The following PARD3B variants were observed in gnomAD, a reference collection of about 807,000 sequenced individuals.
PARD3B encodes the protein partitioning defective 3 homolog B.
In PARD3B, 103 loss-of-function variants were observed where a neutral mutation model predicts 130.2. That is an observed-to-expected ratio of 0.79 (90% CI 0.67 to 0.93). The LOEUF is 0.93. PARD3B is among the 40% of genes least tolerant of loss of function. PARD3B has a pLI of 0.00. For synonymous variants in PARD3B, 583 were observed against 553.2 expected (o/e 1.05, Z -0.76); for missense variants, 1,609 against 1,499.2 (o/e 1.07, Z -1.21).
chr2:204,810,001 T>C (rs561729200), intron 2 of PARD3B, among the ~76,000 whole-genome samples: 1 of 152,284 alleles, frequency 6.6e-6, no homozygotes, highest in South Asian at 2.1e-4. Flanking sequence ...TTGGTGGCAA[T>C]TGTGAATGCA....
intron 18 of PARD3B, among the ~76,000 whole-genome samples, chr2:205,380,272 TATATAA>T (rs2045283861): frequency 1.4e-4 from 2 of 13,940 alleles, no homozygotes; most frequent in African/African-American, 2.2e-4. Flanking sequence ...GAATATATAT[TATATAA>T]TATATAAAGA....
At chr2:205,245,701 T>C (rs1307858513) in intron 15 of PARD3B, 77 bp from the exon 16 acceptor site, 5 of 1,128,240 alleles carry the variant, frequency 4.4e-6, no homozygotes, top group African/African-American at 1.5e-5. Context: ...ATTATGAATC[T>C]GCATTAATTT....
chr2:204,911,822 C>G (rs1179269665), intron 2 of PARD3B, among the ~76,000 whole-genome samples: 4 of 152,016 alleles, frequency 2.6e-5, no homozygotes, highest in Non-Finnish European at 5.9e-5. Flanking sequence ...GTTATTATTT[C>G]CCAGTGTATG....
chr2:205,040,736 G>A (rs1024217738), intron 3 of PARD3B, among the ~76,000 whole-genome samples: 2 of 151,970 alleles, frequency 1.3e-5, no homozygotes, highest in Non-Finnish European at 2.9e-5. Context: ...CAACTTACAT[G>A]TATTTTAATT....
intron 3 of PARD3B, among the ~76,000 whole-genome samples, chr2:205,007,907 C>T (rs1017540337): frequency 1.3e-5 from 2 of 151,780 alleles, no homozygotes; most frequent in South Asian, 4.2e-4. Context: ...TATCTTTTAC[C>T]TCCTTGGTTA....
At chr2:204,737,148 T>C (rs1233129793) in intron 2 of PARD3B, among the ~76,000 whole-genome samples, 1 of 152,148 alleles carries the variant, frequency 6.6e-6, no homozygotes, top group Non-Finnish European at 1.5e-5. Context: ...ATTTTTGTAT[T>C]TTTAGTAGTG....
intron 16 of PARD3B, among the ~76,000 whole-genome samples, chr2:205,254,659 AT>A: frequency 6.7e-6 from 1 of 148,216 alleles, no homozygotes; most frequent in Non-Finnish European, 1.5e-5. Context: ...TCAGTATTTT[AT>A]TTTATTTTAT....
Position 204,833,372 on chromosome 2 carries a change from A to G in PARD3B, c.223-131780A>G, listed in dbSNP as rs540615169. Reference sequence around the variant, plus strand: ...TGACTGTTAACACAGCAGAGCCAGAACTCCCTGTAAAGACTCTGCTTCCCA... The same window carrying G: ...TGACTGTTAACACAGCAGAGCCAGAGCTCCCTGTAAAGACTCTGCTTCCCA... On this transcript the variant is annotated intron_variant, in intron 2 of 22. Coordinates refer to ENST00000406610, the MANE Select transcript of PARD3B (RefSeq NM_001302769.2). 5.3e-5 allele frequency among the ~76,000 whole-genome samples: 8 copies of G among 152,032 alleles called. No individual in the cohort carries two copies. In the South Asian group the frequency reaches 1.7e-3, roughly 32 times the overall value.
At chr2:205,256,781 G>A (rs2040104697) in intron 16 of PARD3B, among the ~76,000 whole-genome samples, 1 of 152,066 alleles carries the variant, frequency 6.6e-6, no homozygotes, top group African/African-American at 2.4e-5. Flanking sequence ...CTAGTTTCTG[G>A]GAAGGAGATG....
At chr2:205,527,388 G>A (rs1050650066) in intron 21 of PARD3B, among the ~76,000 whole-genome samples, 6 of 152,038 alleles carry the variant, frequency 3.9e-5, no homozygotes, top group African/African-American at 7.2e-5. Context: ...TCTGTGGTAC[G>A]TGACCAACAT....
intron 1 of PARD3B, among the ~76,000 whole-genome samples, chr2:204,587,016 A>G (rs1206450460): frequency 2.0e-5 from 3 of 152,204 alleles, no homozygotes; most frequent in Non-Finnish European, 4.4e-5. Context: ...GCACAAAACC[A>G]GATCCTTCAG....
chr2:205,005,184 T>C (rs931591095), intron 3 of PARD3B, among the ~76,000 whole-genome samples: 2 of 151,804 alleles, frequency 1.3e-5, no homozygotes, highest in African/African-American at 2.4e-5. Flanking sequence ...CACACACATA[T>C]ACACACAGAG....
At chr2:204,864,215 C>T (rs1400819240) in intron 2 of PARD3B, among the ~76,000 whole-genome samples, 1 of 152,108 alleles carries the variant, frequency 6.6e-6, no homozygotes, top group Non-Finnish European at 1.5e-5. Flanking sequence ...CTGCCCCGTG[C>T]CAGATTTGCA....
At chr2:204,764,008 G>C (rs72932197) in intron 2 of PARD3B, among the ~76,000 whole-genome samples, 5,418 of 152,146 alleles carry the variant, frequency 0.036, 130 homozygotes, top group South Asian at 0.061. Context: ...GTCTCTCATT[G>C]CCTGAGGTAT....
At chr2:204,590,725 G>A (rs1245659762) in intron 1 of PARD3B, among the ~76,000 whole-genome samples, 1 of 152,200 alleles carries the variant, frequency 6.6e-6, no homozygotes, top group Non-Finnish European at 1.5e-5. Context: ...AGAAGGACTA[G>A]GACTCAGGCT....
chr2:205,199,786 T>C (rs564058687), intron 15 of PARD3B, among the ~76,000 whole-genome samples: 19 of 152,178 alleles, frequency 1.2e-4, no homozygotes, highest in African/African-American at 4.1e-4. Flanking sequence ...AACTAGACAA[T>C]TTACATCCCT....
At chr2:205,524,074 C>T (rs1037155680) in intron 21 of PARD3B, among the ~76,000 whole-genome samples, 3 of 152,006 alleles carry the variant, frequency 2.0e-5, no homozygotes, top group African/African-American at 4.8e-5. Context: ...TGAGGCTTAT[C>T]TAACTTTTCT....
intron 14 of PARD3B, among the ~76,000 whole-genome samples, chr2:205,186,553 C>T (rs1249906780): frequency 6.6e-6 from 1 of 152,034 alleles, no homozygotes; most frequent in Non-Finnish European, 1.5e-5. Context: ...ATTCTGTGTC[C>T]CATGATAATC....
intron 2 of PARD3B, among the ~76,000 whole-genome samples, chr2:204,815,747 A>T (rs772381254): frequency 5.9e-5 from 9 of 152,022 alleles, no homozygotes; most frequent in Non-Finnish European, 1.3e-4. Flanking sequence ...AGTACTTTCT[A>T]ATTTTCCTTT....
Sources: allele counts gnomAD v4.1 joint callset (sites outside exome capture counted in the v4.1 genomes callset), GRCh38; gene constraint gnomAD v4.1.1; transcripts MANE v1.5; gene names NCBI Gene and HGNC (gene_info 2026-07-23, HGNC 2026-07-21).